SCD5: variants seen among roughly 807,000 people sequenced by gnomAD.
SCD5 encodes stearoyl-CoA desaturase 5, also known as acyl-CoA-desaturase 4.
A neutral mutation model predicts 30.4 loss-of-function variants in SCD5; 20 were observed. The ratio of observed to expected loss-of-function variants is 0.66; its 90% CI spans 0.46 to 0.96. The LOEUF (loss-of-function observed/expected upper bound fraction) is 0.96, where lower values mean the gene tolerates loss of function less well. Ranked by LOEUF, SCD5 falls within the 40% of genes least tolerant of loss-of-function variation. The pLI is 0.00. For missense variants in SCD5, 381 were observed against 443.3 expected, an observed-to-expected ratio of 0.86 and a Z score of 1.26; for synonymous variants, 173 against 176.4, an observed-to-expected ratio of 0.98 and a Z score of 0.16.
At chr4:82,683,546 T>C (rs1728626083) in intron 2 of SCD5, among the ~76,000 whole-genome samples, 2 of 152,188 alleles carry the variant, frequency 1.3e-5, no homozygotes, top group South Asian at 2.1e-4. Flanking sequence ...TTTCCCTTAC[T>C]CTCCAAATGT....
At chr4:82,765,148 G>C (rs1218417769) in intron 1 of SCD5, among the ~76,000 whole-genome samples, 1 of 152,038 alleles carries the variant, frequency 6.6e-6, no homozygotes. Flanking sequence ...TTAATTGAAG[G>C]ACTTCCTTTA....
At chr4:82,700,080 G>T (rs1719785009) in intron 2 of SCD5, among the ~76,000 whole-genome samples, 1 of 151,904 alleles carries the variant, frequency 6.6e-6, no homozygotes, top group South Asian at 2.1e-4. Context: ...AGCTGGGTTT[G>T]GTGGCGCGCA....
chr4:82,652,308 C>T (rs533325814), intron 3 of SCD5, among the ~76,000 whole-genome samples: 16 of 152,288 alleles, frequency 1.1e-4, no homozygotes, highest in African/African-American at 3.1e-4. Flanking sequence ...ACAGCTCTGA[C>T]TCATAATTAA....
chr4:82,739,676 T>C (rs1720832314), intron 1 of SCD5, among the ~76,000 whole-genome samples: 1 of 152,182 alleles, frequency 6.6e-6, no homozygotes, highest in African/African-American at 2.4e-5. Context: ...CGGCCAAGGC[T>C]TGGAAGAGGA....
In SCD5 at chr4:82,712,271, TATATATATATATATATATATATATA is replaced by T. The variant is rs1560540764; in HGVS notation, c.233-6883_233-6859del. On this transcript the variant is annotated intron_variant, in intron 1 of 4. Transcript: ENST00000319540. ...ATATATATATATATATATATATATA[TATATATATATATATATATATATATA>T]TTTTATTTTTATTTTATTTTTTTTT... is the stretch of plus-strand genomic sequence containing the variant. Among the ~76,000 whole-genome samples, 14 of 49,834 alleles carry T rather than the reference TATATATATATATATATATATATATA, an allele frequency of 2.8e-4. 1 individual carries two copies. The highest frequency in any genetic ancestry group is 1.3e-3 in the African/African-American group (10 of 7,416). 32.7% of individuals were successfully genotyped at this position (49,834 alleles called of 152,430 possible). A position where few individuals can be genotyped will look rare whatever the true frequency, so the allele number is the denominator to read the frequency against.
intron 2 of SCD5, among the ~76,000 whole-genome samples, chr4:82,685,705 C>T (rs1353641337): frequency 1.3e-5 from 2 of 150,152 alleles, no homozygotes; most frequent in East Asian, 3.9e-4. Context: ...GAGCAAGACT[C>T]TGTCTCAAAA....
At chr4:82,714,166 A>G (rs1720171637) in intron 1 of SCD5, among the ~76,000 whole-genome samples, 1 of 152,196 alleles carries the variant, frequency 6.6e-6, no homozygotes, top group Non-Finnish European at 1.5e-5. Context: ...CTCTTATGTT[A>G]AAAAGCAAAA....
chr4:82,702,532 G>A (rs1420063453), intron 2 of SCD5, among the ~76,000 whole-genome samples: 1 of 151,996 alleles, frequency 6.6e-6, no homozygotes, highest in Non-Finnish European at 1.5e-5. Flanking sequence ...AGAAGAAAAA[G>A]AAAAGGAGTT....
At chr4:82,651,196 C>A (rs1173619053) in intron 3 of SCD5, among the ~76,000 whole-genome samples, 1 of 152,196 alleles carries the variant, frequency 6.6e-6, no homozygotes, top group African/African-American at 2.4e-5. Flanking sequence ...TGGGGACCCA[C>A]TGACCAAGAC....
rs371643604 is a variant in SCD5 at position 82,740,723 on chromosome 4, T to G, written c.233-35310A>C. On this transcript the variant is annotated intron_variant, in intron 1 of 4. Coordinates refer to ENST00000319540, the MANE Select transcript of SCD5 (RefSeq NM_001037582.3). ...TTCTCTCCTCCCTCCTCTCAACTTC[T>G]GAATCTTTCTTTTCTCTTCCTTCTA... Among the ~76,000 whole-genome samples, 108 of 152,336 alleles carry G rather than the reference T, an allele frequency of 7.1e-4. 2 individuals are homozygous for G. Among genetic ancestry groups the G allele is most frequent in the African/African-American group, 2.6e-3 (107 of 41,574 alleles).
rs542724213 is a variant in SCD5, at chr4:82,648,125, A to G, written c.570-11302T>C. 5.3e-5 allele frequency among the ~76,000 whole-genome samples: 8 copies of G among 152,292 alleles called. No homozygotes were observed. The South Asian group carries it at 1.2e-3, about 24-fold the overall frequency. Reference sequence around the variant, plus strand: ...ACAGTGTGTTACTGCACTGGCCACTATTTGCTATCTCAGTCGGGCTGGACC... The same window carrying G: ...ACAGTGTGTTACTGCACTGGCCACTGTTTGCTATCTCAGTCGGGCTGGACC... On this transcript the variant is annotated intron_variant, in intron 3 of 4. Coordinates refer to ENST00000319540, the MANE Select transcript of SCD5 (RefSeq NM_001037582.3).
At chr4:82,677,554 G>A (rs574767191) in intron 3 of SCD5, among the ~76,000 whole-genome samples, 9 of 152,278 alleles carry the variant, frequency 5.9e-5, no homozygotes, top group South Asian at 2.1e-4. Context: ...CCAGCTTCAC[G>A]AACATGAAAA....
chr4:82,736,316 C>A lies in SCD5; in HGVS notation c.233-30903G>T, dbSNP rs578041051. Among the ~76,000 whole-genome samples, 21 of 151,084 alleles carry A rather than the reference C, an allele frequency of 1.4e-4. No homozygotes were observed. In the South Asian group the frequency reaches 3.1e-3, roughly 23 times the overall value. On this transcript the variant is annotated intron_variant, in intron 1 of 4. Transcript: ENST00000319540. ...AAAACAAAACAAAACAAAAAAAAAA[C>A]CATTATTCTCAGCCAGGCGCAGTGG...
chr4:82,723,468 T>C (rs1200918863), intron 1 of SCD5, among the ~76,000 whole-genome samples: 2 of 152,254 alleles, frequency 1.3e-5, no homozygotes, highest in Admixed American at 6.5e-5. Flanking sequence ...GACTGTACTA[T>C]ATACTTTTTT....
intron 1 of SCD5, among the ~76,000 whole-genome samples, chr4:82,722,017 G>A (rs1358031888): frequency 6.6e-6 from 1 of 152,210 alleles, no homozygotes; most frequent in Non-Finnish European, 1.5e-5. Flanking sequence ...GGGGACAGTG[G>A]GTGGCACTAG....
chr4:82,662,552 A>G (rs1051044165), intron 3 of SCD5, among the ~76,000 whole-genome samples: 3 of 151,812 alleles, frequency 2.0e-5, no homozygotes, highest in African/African-American at 7.3e-5. Flanking sequence ...TACCATTATT[A>G]TAATGGTTAA....
At chr4:82,771,848 G>C (rs1048536955) in intron 1 of SCD5, among the ~76,000 whole-genome samples, 6 of 152,202 alleles carry the variant, frequency 3.9e-5, no homozygotes, top group Non-Finnish European at 8.8e-5. Flanking sequence ...CACATCTGTT[G>C]CATGATCATT....
intron 3 of SCD5, among the ~76,000 whole-genome samples, chr4:82,652,117 C>A (rs1727770288): frequency 6.6e-6 from 1 of 151,886 alleles, no homozygotes. Flanking sequence ...GGATCTAAGC[C>A]AAAGAAACAT....
chr4:82,736,945 T>G (rs1720764452), intron 1 of SCD5, among the ~76,000 whole-genome samples: 1 of 152,176 alleles, frequency 6.6e-6, no homozygotes, highest in African/African-American at 2.4e-5. Context: ...GGATTACAGG[T>G]GTAAGCCACC....
Sources: allele counts gnomAD v4.1 joint callset (sites outside exome capture counted in the v4.1 genomes callset), GRCh38; gene constraint gnomAD v4.1.1; transcripts MANE v1.5; gene names NCBI Gene and HGNC (gene_info 2026-07-23, HGNC 2026-07-21).